CHTF18: variants seen among roughly 807,000 people sequenced by gnomAD.
CHTF18 encodes chromosome transmission fidelity protein 18 homolog.
Under a neutral mutation model 113.4 loss-of-function variants are expected in CHTF18, and 151 were observed. The observed-to-expected ratio is 1.33, with a 90% confidence interval of 1.17 to 1.52. The LOEUF (loss-of-function observed/expected upper bound fraction) is 1.52. CHTF18 is among the 40% of genes most tolerant of loss of function. The pLI is 0.00. For missense variants in CHTF18, 1,982 were observed against 1,381.6 expected (o/e 1.43, Z -6.89); for synonymous variants, 916 against 598.8 (o/e 1.53, Z -7.74).
rs779352782 is a variant in CHTF18 at position 791,951 on chromosome 16, G to A, written c.1202+3G>A. On this transcript the variant is annotated splice_donor_region_variant and intron_variant, in intron 9 of 21. Transcript: ENST00000262315. ...TCTGTGGTGGAGATGAACGCCAGGT[G>A]AGTGATGTGAGGTCCGTCTCTGGCT... The A allele has an allele frequency of 6.2e-7, 1 of 1,604,908 alleles. No individual in the cohort carries two copies. The highest frequency in any genetic ancestry group is 8.5e-7 in the Non-Finnish European group (1 of 1,176,438).
intron 4 of CHTF18, 138 bp downstream of exon 4, chr16:789,853 C>A: frequency 7.5e-7 from 1 of 1,328,574 alleles, no homozygotes; most frequent in South Asian, 1.4e-5. Context: ...GAGGCTGCGT[C>A]ATGGGGCGTA....
chr16:793,606 C>A, intron 14 of CHTF18: 1 of 537,970 alleles, frequency 1.9e-6, no homozygotes, highest in Non-Finnish European at 3.4e-6. Flanking sequence ...TTGGCCTGGG[C>A]TGTGGTCTCT....
chr16:789,989 C>T (rs535949964), intron 4 of CHTF18, 188 bp from the exon 5 acceptor site: 462 of 1,535,304 alleles, frequency 3.0e-4, no homozygotes, highest in Non-Finnish European at 3.6e-4. Context: ...TAAAGCTGCC[C>T]CCAATTTCCC....
In CHTF18 at chr16:795,312, TC is replaced by T; in HGVS notation, c.2133del (p.Ser712AlafsTer19). ...CGTGGCCTTCCATGTGCTGTTTGCT[TC>T]CAGCCACACACCCAGGATCACCTTC... is the stretch of plus-strand genomic sequence containing the variant. The part of the protein sequence containing the change: ...LPVAFHVLFA[S>X]SHTPRITFPS... On this transcript the variant is annotated frameshift_variant, in exon 16 of 22. Coordinates refer to ENST00000262315, the MANE Select transcript of CHTF18 (RefSeq NM_022092.3). LOFTEE classifies it high-confidence loss of function. 1 of 1,548,084 alleles carries T rather than the reference TC, an allele frequency of 6.5e-7. No homozygotes were observed. Among genetic ancestry groups the T allele is most frequent in the Non-Finnish European group, 8.7e-7 (1 of 1,146,606 alleles).
At chr16:793,366 C>A in intron 14 of CHTF18, 92 bp downstream of exon 14, 1 of 1,475,906 alleles carries the variant, frequency 6.8e-7, no homozygotes, top group Non-Finnish European at 9.1e-7. Context: ...ACCTTCGAGG[C>A]GGGGACTCAG....
chr16:790,995 G>T, intron 7 of CHTF18, 166 bp from the exon 8 acceptor site: 1 of 1,456,764 alleles, frequency 6.9e-7, no homozygotes, highest in Non-Finnish European at 9.0e-7. Flanking sequence ...TGGGGGTGGA[G>T]CCCCTGGTGT....
At position 795,948 on chromosome 16, in the gene CHTF18, T is replaced by C. The variant is rs2042332713; in HGVS notation, c.2327T>C (p.Val776Ala). ...TGTCTGCTGCCTCCCATCCCCTAGGTGAGCACACAGCTGTACAGCACCCGT... is the reference window on the plus strand; with the variant it reads ...TGTCTGCTGCCTCCCATCCCCTAGGCGAGCACACAGCTGTACAGCACCCGT... ...LDILAPKLRP[V>A]STQLYSTREK... The change falls in exon 18 of 22, where the codon GTG becomes GCG. Residue 776 changes from valine to alanine, a missense_variant and splice_region_variant. By Grantham distance (64) the Val-to-Ala change is moderately conservative. Transcript: ENST00000262315. 1.9e-6 allele frequency: 3 copies of C among 1,609,868 alleles called. No homozygotes were observed. Among genetic ancestry groups the C allele is most frequent in the Non-Finnish European group, 2.5e-6 (3 of 1,178,780 alleles).
Position 793,036 on chromosome 16 carries a change from A to G in CHTF18, c.1643A>G (p.Asp548Gly). 6.6e-7 allele frequency: 1 copy of G among 1,517,000 alleles called. No homozygotes were observed. Among genetic ancestry groups the G allele is most frequent in the Non-Finnish European group, 8.9e-7 (1 of 1,124,440 alleles). 94.0% of individuals were successfully genotyped at this position (1,517,000 alleles called of 1,614,324 possible). The change falls in exon 13 of 22, where the codon GAC becomes GGC. Residue 548 changes from aspartate to glycine, a missense_variant. Physicochemically the swap from Asp to Gly is moderately conservative, Grantham distance 94. Coordinates refer to ENST00000262315, the MANE Select transcript of CHTF18 (RefSeq NM_022092.3). Reference protein sequence around the residue: ...LAALCEKTDNDIRACINTLQF... With the variant: ...LAALCEKTDNGIRACINTLQF... Reference sequence around the variant, plus strand: ...GCCCTCTGTGAGAAAACTGACAATGACATCCGGGCCTGCATCAACACCCTG... The same window carrying G: ...GCCCTCTGTGAGAAAACTGACAATGGCATCCGGGCCTGCATCAACACCCTG...
At chr16:793,526 C>T (rs920638268) in intron 14 of CHTF18, 14 of 594,392 alleles carry the variant, frequency 2.4e-5, no homozygotes, top group African/African-American at 1.9e-4. Context: ...GTGGGGCCTC[C>T]AGGGCGTCCC....
Position 792,484 on chromosome 16 carries a change from C to T in CHTF18, c.1372C>T (p.Gln458Ter). The T allele has an allele frequency of 3.1e-6, 5 of 1,589,826 alleles. No homozygotes were observed. The highest frequency in any genetic ancestry group is 4.3e-6 in the Non-Finnish European group (5 of 1,168,788). ...LLSILNRKGP[Q>*]EVGPQGPAVP... ...GAGCATCCTGAACCGCAAGGGGCCA[C>T]AGGAGGTGGGGCCACAGGGCCCGGC... The change falls in exon 11 of 22, where the codon CAG becomes TAG. Residue 458 changes from glutamine to a stop codon, truncating the protein, a stop_gained. Coordinates refer to ENST00000262315, the MANE Select transcript of CHTF18 (RefSeq NM_022092.3). LOFTEE classifies it high-confidence loss of function.
intron 4 of CHTF18, 133 bp from the exon 5 acceptor site, chr16:790,043 CT>C (rs2042141141): frequency 2.6e-6 from 4 of 1,536,114 alleles, no homozygotes; most frequent in Non-Finnish European, 3.5e-6. Context: ...TTTGGCACCC[CT>C]GTCCAGTCTC....
In CHTF18 at chr16:792,766, C is replaced by T. The variant is rs1400107685; in HGVS notation, c.1527C>T (p.His509=). The change falls in exon 12 of 22, where the codon CAC becomes CAT. Residue 509 remains histidine, a synonymous_variant. Coordinates refer to ENST00000262315, the MANE Select transcript of CHTF18 (RefSeq NM_022092.3). The part of the protein sequence containing the change: ...RQLKQQAFLL[H]FPPTLPSRLV... ...TGAAGCAGCAGGCCTTCCTGCTCCACTTCCCGCCGACTCTGCCCTCGAGGC... is the reference window on the plus strand; with the variant it reads ...TGAAGCAGCAGGCCTTCCTGCTCCATTTCCCGCCGACTCTGCCCTCGAGGC... 1.3e-6 allele frequency: 2 copies of T among 1,548,740 alleles called. No homozygotes were observed. Among genetic ancestry groups the T allele is most frequent in the Admixed American group, 1.9e-5 (1 of 52,034 alleles).
chr16:798,025 G>A lies in CHTF18; in HGVS notation c.*50G>A, dbSNP rs1386800927. On this transcript the variant is annotated 3_prime_UTR_variant, in exon 22 of 22. Coordinates refer to ENST00000262315, the MANE Select transcript of CHTF18 (RefSeq NM_022092.3). ...CGCATTGCTTCCCGCAGAGTGCAGA[G>A]ACAGGAAGCTGGAGATGTCTTTATA... 3.2e-6 allele frequency: 5 copies of A among 1,575,078 alleles called. No homozygotes were observed. The South Asian group carries it at 3.4e-5, about 11-fold the overall frequency.
At chr16:797,787 T>C in intron 21 of CHTF18, 36 bp downstream of exon 21, 2 of 342,576 alleles carry the variant, frequency 5.8e-6, no homozygotes, top group South Asian at 2.5e-5. Flanking sequence ...GTGGGGGGCC[T>C]GGGGGTTGTG....
At chr16:794,012 C>G in intron 14 of CHTF18, 42 bp from the exon 15 acceptor site, 6 of 1,589,366 alleles carry the variant, frequency 3.8e-6, no homozygotes, top group Non-Finnish European at 5.1e-6. Context: ...GCTGCCTGTG[C>G]TTTTAACACG....
Position 788,717 on chromosome 16 carries a change from C to G in CHTF18, c.33C>G (p.Val11=), listed in dbSNP as rs1288523173. 2 of 1,602,046 alleles carry G rather than the reference C, an allele frequency of 1.2e-6. No homozygotes were observed. The highest frequency in any genetic ancestry group is 1.1e-5 in the South Asian group (1 of 89,626). Residue 11 remains valine (V), a synonymous_variant, in exon 1 of 22, where the codon GTC becomes GTG. Transcript: ENST00000262315. ...ACTACGAGCAGGAGCTGTGCGGCGTCGAGGATGATTTCCACAACCAGTTCG... is the reference window on the plus strand; with the variant it reads ...ACTACGAGCAGGAGCTGTGCGGCGTGGAGGATGATTTCCACAACCAGTTCG... MEDYEQELCG[V]EDDFHNQFAA... is the part of the protein sequence containing the mutation.
At chr16:789,181 C>T (rs1432748086) in intron 2 of CHTF18, 29 bp from the exon 3 acceptor site, 11 of 1,550,140 alleles carry the variant, frequency 7.1e-6, no homozygotes, top group African/African-American at 2.7e-5. Flanking sequence ...CTGAGGAGGC[C>T]TCTGGTTCCC....
intron 18 of CHTF18, 34 bp downstream of exon 18, chr16:796,111 G>A (rs1186833371): frequency 6.3e-7 from 1 of 1,583,834 alleles, no homozygotes; most frequent in Non-Finnish European, 8.6e-7. Context: ...GTGCTCCAGG[G>A]TCATGCTCCC....
intron 7 of CHTF18, 169 bp downstream of exon 7, chr16:790,835 T>C: frequency 3.5e-6 from 5 of 1,431,734 alleles, no homozygotes; most frequent in Non-Finnish European, 4.6e-6. Flanking sequence ...GGCTGTGTGC[T>C]ACTGGTCCCC....
Sources: gnomAD v4.1 joint callset for allele counts on GRCh38, gnomAD v4.1.1 for gene constraint, MANE v1.5 for transcripts, NCBI Gene and HGNC (gene_info 2026-07-23, HGNC 2026-07-21) for gene names.